The following SLC4A4 variants were observed in gnomAD, a reference collection of about 807,000 sequenced individuals.
SLC4A4 encodes electrogenic sodium bicarbonate cotransporter 1.
A neutral mutation model predicts 111.5 loss-of-function variants in SLC4A4; 27 were observed. The ratio of observed to expected loss-of-function variants is 0.24; its 90% CI spans 0.18 to 0.33. The LOEUF (loss-of-function observed/expected upper bound fraction) is 0.33. SLC4A4 is among the 10% of genes least tolerant of loss of function. The pLI is 1.00. For synonymous variants in SLC4A4, 443 were observed against 463.4 expected (o/e 0.96, Z 0.57); for missense variants, 909 against 1,315.5 (o/e 0.69, Z 4.78).
chr4:71,230,199 T>A (rs1015181480), intron 1 of SLC4A4, among the ~76,000 whole-genome samples: 2 of 152,210 alleles, frequency 1.3e-5, no homozygotes, highest in African/African-American at 4.8e-5. Context: ...GTGTCAGTAC[T>A]GATTGTTATA....
chr4:71,133,001 A>G (rs1438913120), intron 2 of SLC4A4, among the ~76,000 whole-genome samples: 3 of 152,238 alleles, frequency 2.0e-5, no homozygotes, highest in East Asian at 1.9e-4. Flanking sequence ...TGACAAGCCT[A>G]CAGACTTGCA....
At chr4:71,372,937 T>G (rs1417721852) in intron 6 of SLC4A4, among the ~76,000 whole-genome samples, 1 of 152,212 alleles carries the variant, frequency 6.6e-6, no homozygotes. Context: ...CATTAGAATT[T>G]AAATAACTGA....
At chr4:71,529,312 G>T (rs998729250) in intron 16 of SLC4A4, among the ~76,000 whole-genome samples, 9 of 151,906 alleles carry the variant, frequency 5.9e-5, no homozygotes, top group African/African-American at 2.2e-4. Flanking sequence ...AAATACAGCT[G>T]GTATATTTGT....
intron 18 of SLC4A4, among the ~76,000 whole-genome samples, chr4:71,536,349 C>T (rs1348161939): frequency 2.7e-5 from 4 of 149,686 alleles, no homozygotes; most frequent in Non-Finnish European, 5.9e-5. Context: ...TGTTTTCCAG[C>T]CATTTTTGGA....
chr4:71,399,193 G>T (rs1386415870), intron 7 of SLC4A4, among the ~76,000 whole-genome samples: 1 of 152,066 alleles, frequency 6.6e-6, no homozygotes. Context: ...TCTGATGGAG[G>T]TTGTGGAATC....
intron 2 of SLC4A4, among the ~76,000 whole-genome samples, chr4:71,155,710 C>T (rs533532815): frequency 2.8e-4 from 42 of 152,160 alleles, no homozygotes; most frequent in African/African-American, 7.7e-4. Flanking sequence ...GTGATCCTTC[C>T]GCCTCAGCCT....
intron 3 of SLC4A4, among the ~76,000 whole-genome samples, chr4:71,310,244 A>C (rs1413645222): frequency 2.0e-5 from 3 of 152,118 alleles, no homozygotes; most frequent in Admixed American, 1.3e-4. Context: ...AATGGAACCA[A>C]ATTGGAAAAC....
intron 3 of SLC4A4, among the ~76,000 whole-genome samples, chr4:71,289,499 A>T (rs1243239136): frequency 1.3e-5 from 2 of 152,212 alleles, no homozygotes; most frequent in African/African-American, 2.4e-5. Flanking sequence ...CCTGCTTCCA[A>T]GGAGTTTTAT....
chr4:71,272,218 G>A (rs1722751564), intron 3 of SLC4A4, among the ~76,000 whole-genome samples: 1 of 152,216 alleles, frequency 6.6e-6, no homozygotes, highest in Non-Finnish European at 1.5e-5. Context: ...AGTAGGAGGT[G>A]AGTTGTAGAA....
intron 1 of SLC4A4, among the ~76,000 whole-genome samples, chr4:71,075,640 C>A (rs947765579): frequency 6.6e-6 from 1 of 152,142 alleles, no homozygotes; most frequent in African/African-American, 2.4e-5. Context: ...TCCTTCAGGT[C>A]TCCGCTCAAA....
intron 2 of SLC4A4, among the ~76,000 whole-genome samples, chr4:71,100,296 A>G (rs925817457): frequency 2.0e-5 from 3 of 152,202 alleles, no homozygotes; most frequent in Non-Finnish European, 4.4e-5. Flanking sequence ...GATTGGGTCA[A>G]CATACACAAA....
intron 7 of SLC4A4, among the ~76,000 whole-genome samples, chr4:71,407,617 G>T (rs1720981001): frequency 1.3e-5 from 2 of 152,160 alleles, no homozygotes; most frequent in South Asian, 4.1e-4. Flanking sequence ...TGGATAAAAG[G>T]TTAGGTAAGA....
At chr4:71,355,631 C>T (rs1389098853) in intron 5 of SLC4A4, among the ~76,000 whole-genome samples, 1 of 152,222 alleles carries the variant, frequency 6.6e-6, no homozygotes, top group Non-Finnish European at 1.5e-5. Flanking sequence ...TCAGCCTCTG[C>T]TTGGCTTCCA....
intron 7 of SLC4A4, among the ~76,000 whole-genome samples, chr4:71,413,349 A>T (rs1263442170): frequency 6.6e-6 from 1 of 152,152 alleles, no homozygotes; most frequent in Non-Finnish European, 1.5e-5. Flanking sequence ...TTCTTAAAGA[A>T]CTGCTAGCAG....
At chr4:71,263,720 C>A (rs1401780754) in intron 3 of SLC4A4, among the ~76,000 whole-genome samples, 1 of 152,034 alleles carries the variant, frequency 6.6e-6, no homozygotes, top group Non-Finnish European at 1.5e-5. Flanking sequence ...TGTAGTTCTA[C>A]AATTTGCAAT....
chr4:71,251,429 C>T (rs935727246), intron 2 of SLC4A4, among the ~76,000 whole-genome samples: 3 of 152,176 alleles, frequency 2.0e-5, no homozygotes, highest in African/African-American at 4.8e-5. Context: ...ACAAGAATCA[C>T]GTAGTGATCA....
chr4:71,287,385 A>T (rs16846225), intron 3 of SLC4A4, among the ~76,000 whole-genome samples: 2,311 of 152,370 alleles, frequency 0.015, 51 homozygotes, highest in African/African-American at 0.053. Context: ...ATAAGTTGTG[A>T]TCTGCATACA....
chr4:71,491,098 T>A (rs1228775384), intron 15 of SLC4A4, among the ~76,000 whole-genome samples: 1 of 151,898 alleles, frequency 6.6e-6, no homozygotes, highest in African/African-American at 2.4e-5. Flanking sequence ...CACAATTTTC[T>A]ATAATCCCAA....
At chr4:71,087,026 A>T (rs1466806624) in intron 1 of SLC4A4, among the ~76,000 whole-genome samples, 1 of 151,968 alleles carries the variant, frequency 6.6e-6, no homozygotes, top group Admixed American at 6.6e-5. Flanking sequence ...CTGCGAATCC[A>T]TCTGGTCCTG....
Sources: gnomAD v4.1 joint callset for allele counts (sites outside exome capture counted in the v4.1 genomes callset) on GRCh38, gnomAD v4.1.1 for gene constraint, MANE v1.5 for transcripts, NCBI Gene and HGNC (gene_info 2026-07-23, HGNC 2026-07-21) for gene names.